DRG2: variants seen among roughly 807,000 people sequenced by gnomAD.
DRG2 encodes the protein developmentally-regulated GTP-binding protein 2.
A neutral mutation model predicts 53.4 loss-of-function variants in DRG2; 36 were observed. The ratio of observed to expected loss-of-function variants is 0.67; its 90% CI spans 0.52 to 0.89. The LOEUF (loss-of-function observed/expected upper bound fraction) is 0.89, where lower values mean the gene tolerates loss of function less well. DRG2 is among the 40% of genes least tolerant of loss of function. DRG2 has a pLI of 0.00. For synonymous variants in DRG2, 167 were observed against 192.1 expected (o/e 0.87, Z 1.08); for missense variants, 342 against 481.2 (o/e 0.71, Z 2.71).
rs752992394 is a variant in DRG2 at position 18,101,597 on chromosome 17, G to A, written c.729+7G>A. 17 of 1,613,256 alleles carry A rather than the reference G, an allele frequency of 1.1e-5. No individual in the cohort carries two copies. The highest frequency in any genetic ancestry group is 1.4e-5 in the Non-Finnish European group (16 of 1,179,394). ...GTACATGCCCTGCCTGTATGTAAGT[G>A]CAGGAGGGGAGCCCTGGCCTGGCCA... is the stretch of plus-strand genomic sequence containing the variant. On this transcript the variant is annotated splice_region_variant and intron_variant, in intron 8 of 12. Transcript: ENST00000225729.
chr17:18,088,236 C>G, intron 1 of DRG2, 149 bp downstream of exon 1: 2 of 977,998 alleles, frequency 2.0e-6, no homozygotes, highest in South Asian at 3.4e-5. Flanking sequence ...CCTGCGCGCC[C>G]AAGGCAGGGC....
At chr17:18,106,948 T>C (rs2045650315) in intron 12 of DRG2, among the ~76,000 whole-genome samples, 1 of 152,150 alleles carries the variant, frequency 6.6e-6, no homozygotes, top group Non-Finnish European at 1.5e-5. Context: ...CCAGAAGTGC[T>C]GGGATTACAG....
At position 18,104,480 on chromosome 17, in the gene DRG2, G is replaced by T. The variant is rs1183320688; in HGVS notation, c.896-143G>T. 3 of 1,480,254 alleles carry T rather than the reference G, an allele frequency of 2.0e-6. No individual in the cohort carries two copies. The South Asian group carries it at 4.0e-5, about 20-fold the overall frequency. The allele number at this position is 1,480,254 out of a possible 1,614,324, so 91.7% of individuals were successfully genotyped here. On this transcript the variant is annotated intron_variant, in intron 10 of 12. Transcript: ENST00000225729. ...GATGGTACAGGGATCTATGTGGAGG[G>T]TGTGCTGGATGTCAGGGGGAGGTTA...
rs371097365 is a variant in DRG2 at position 18,100,558 on chromosome 17, T to G, written c.541-11T>G. 3 of 1,614,054 alleles carry G rather than the reference T, an allele frequency of 1.9e-6. No individual in the cohort carries two copies. In the African/African-American group the frequency reaches 4.0e-5, roughly 22 times the overall value. On this transcript the variant is annotated splice_polypyrimidine_tract_variant and intron_variant, in intron 6 of 12. Coordinates refer to ENST00000225729, the MANE Select transcript of DRG2 (RefSeq NM_001388.5). This position sits in a 1 kb window ranked among gnomAD's most constrained non-coding sequence, Gnocchi z 4.1. ...GTCAGCAGTTCTCCCCATCCCTTTC[T>G]CCTCTTTCAGCCCAAGAAAGGTGGT... is the stretch of plus-strand genomic sequence containing the variant.
rs1184694031 is a variant in DRG2, at chr17:18,094,826, T to C, written c.225+853T>C. 4.0e-5 allele frequency among the ~76,000 whole-genome samples: 6 copies of C among 150,976 alleles called. No individual in the cohort carries two copies. In the South Asian group the frequency reaches 1.3e-3, roughly 32 times the overall value. On this transcript the variant is annotated intron_variant, in intron 2 of 12. Coordinates refer to ENST00000225729, the MANE Select transcript of DRG2 (RefSeq NM_001388.5). ...CCTGTCTCTACTAAAAATACAAAAT[T>C]AGCCAGGGGTGGTGGCGCATGCCTG...
At chr17:18,090,141 G>A (rs1237114500) in intron 1 of DRG2, among the ~76,000 whole-genome samples, 1 of 150,076 alleles carries the variant, frequency 6.7e-6, no homozygotes, top group East Asian at 2.0e-4. Context: ...AATTTTAGGA[G>A]CTGGGATGAC....
chr17:18,093,864 C>A lies in DRG2; in HGVS notation c.116C>A (p.Ala39Asp). The A allele has an allele frequency of 6.2e-7, 1 of 1,614,164 alleles. No individual in the cohort carries two copies. The highest frequency in any genetic ancestry group is 8.5e-7 in the Non-Finnish European group (1 of 1,180,038). ...LLKAKLAKYR[A>D]QLLEPSKSAS... ...AAAGCTAAGCTCGCCAAGTATCGGG[C>A]CCAGCTCCTGGAACCGTCCAAATCG... Residue 39 changes from alanine (A) to aspartate (D), a missense_variant, in exon 2 of 13, where the codon GCC (alanine) becomes GAC (aspartate). Coordinates refer to ENST00000225729, the MANE Select transcript of DRG2 (RefSeq NM_001388.5).
chr17:18,098,094 C>T lies in DRG2; in HGVS notation c.226-176C>T, dbSNP rs2045464148. ...CCTCTGGTGTCTGACCCATCCAGGA[C>T]AGGGCCAGAGGTGAGCCCTCTGGCT... On this transcript the variant is annotated intron_variant, in intron 2 of 12. Coordinates refer to ENST00000225729, the MANE Select transcript of DRG2 (RefSeq NM_001388.5). The surrounding 1 kb of genome is among the most constrained non-coding windows in gnomAD (Gnocchi z 4.1). 6.8e-6 allele frequency: 4 copies of T among 589,420 alleles called. No homozygotes were observed. The highest frequency in any genetic ancestry group is 1.2e-5 in the Non-Finnish European group (4 of 321,848). 36.5% of individuals were successfully genotyped at this position (589,420 alleles called of 1,614,324 possible).
chr17:18,094,056 G>C, intron 2 of DRG2, 83 bp downstream of exon 2: 1 of 1,531,488 alleles, frequency 6.5e-7, no homozygotes, highest in South Asian at 1.3e-5. Flanking sequence ...TCCCCTCGCT[G>C]CCTTTCTGCT....
At chr17:18,101,404 C>T in intron 7 of DRG2, 89 bp from the exon 8 acceptor site, 1 of 1,232,044 alleles carries the variant, frequency 8.1e-7, no homozygotes, top group Admixed American at 1.8e-5. Context: ...ACACGGCCAG[C>T]ATATTTCCTG....
At chr17:18,090,018 A>G (rs1433783086) in intron 1 of DRG2, among the ~76,000 whole-genome samples, 3 of 151,996 alleles carry the variant, frequency 2.0e-5, no homozygotes, top group African/African-American at 7.3e-5. Flanking sequence ...CATATTACCC[A>G]TAAGACCCAA....
rs995201939 is a variant in DRG2, at chr17:18,103,224, T to C, written c.807-577T>C. On this transcript the variant is annotated intron_variant, in intron 9 of 12. Coordinates refer to ENST00000225729, the MANE Select transcript of DRG2 (RefSeq NM_001388.5). The surrounding 1 kb of genome is among the most constrained non-coding windows in gnomAD (Gnocchi z 4.4). ...AGCTCTACAGAGGTCAGGACACAGC[T>C]CGGGGTCACGGCGCAAACCTTCAAG... Among the ~76,000 whole-genome samples, 1 of 152,108 alleles carries C rather than the reference T, an allele frequency of 6.6e-6. No individual in the cohort carries two copies. Among genetic ancestry groups the C allele is most frequent in the African/African-American group, 2.4e-5 (1 of 41,480 alleles).
rs760821269 is a variant in DRG2 at position 18,089,391 on chromosome 17, C to T, written c.64+1304C>T. ...CTGACCTCAGGTGATCCACCCGCCT[C>T]GGCCTCCCAAAGTGCTGGGATTACA... On this transcript the variant is annotated intron_variant, in intron 1 of 12. Coordinates refer to ENST00000225729, the MANE Select transcript of DRG2 (RefSeq NM_001388.5). 5.3e-5 allele frequency among the ~76,000 whole-genome samples: 8 copies of T among 152,108 alleles called. No homozygotes were observed. In the East Asian group the frequency reaches 5.8e-4, roughly 11 times the overall value.
intron 11 of DRG2, among the ~76,000 whole-genome samples, chr17:18,104,929 G>A (rs967428587): frequency 6.6e-6 from 1 of 152,214 alleles, no homozygotes; most frequent in Non-Finnish European, 1.5e-5. Flanking sequence ...AGGAGGACAC[G>A]TTGAATGAGG....
chr17:18,103,815 T>C lies in DRG2; in HGVS notation c.821T>C (p.Leu274Pro), dbSNP rs1176196745. 1 of 1,613,992 alleles carries C rather than the reference T, an allele frequency of 6.2e-7. No individual in the cohort carries two copies. The highest frequency in any genetic ancestry group is 1.3e-5 in the African/African-American group (1 of 74,930). ...NSVVISCGMK[L>P]NLDYLLEMLW... is the part of the protein sequence containing the mutation. ...CCTCTTTGCAGCTGCGGCATGAAGC[T>C]GAACCTGGACTATCTGCTGGAGATG... The change falls in exon 10 of 13, where the codon CTG (leucine) becomes CCG (proline). Residue 274 changes from leucine (L) to proline (P), a missense_variant. Transcript: ENST00000225729. The surrounding 1 kb of genome is among the most constrained non-coding windows in gnomAD (Gnocchi z 4.4).
At chr17:18,091,941 GACT>G (rs1333160560) in intron 1 of DRG2, 1 of 152,214 alleles carries the variant, frequency 6.6e-6, no homozygotes, top group Non-Finnish European at 1.5e-5. Context: ...TGCACAAGAA[GACT>G]AACTTTTCCA....
chr17:18,103,704 G>C lies in DRG2; in HGVS notation c.807-97G>C. On this transcript the variant is annotated intron_variant, in intron 9 of 12. Transcript: ENST00000225729. The surrounding 1 kb of genome is among the most constrained non-coding windows in gnomAD (Gnocchi z 4.4). Reference sequence around the variant, plus strand: ...CCTGTGGGTACCAGCGGGCCACCTGGCCAGTGGAGGTTATCCGCTCCAATA... The same window carrying C: ...CCTGTGGGTACCAGCGGGCCACCTGCCCAGTGGAGGTTATCCGCTCCAATA... 8.7e-7 allele frequency: 1 copy of C among 1,150,966 alleles called. No homozygotes were observed. The highest frequency in any genetic ancestry group is 1.3e-6 in the Non-Finnish European group (1 of 767,682). 71.3% of individuals were successfully genotyped at this position (1,150,966 alleles called of 1,614,324 possible). A position where few individuals can be genotyped will look rare whatever the true frequency, so the allele number is the denominator to read the frequency against.
intron 1 of DRG2, 100 bp from the exon 2 acceptor site, chr17:18,093,713 G>C (rs2045377534): frequency 7.1e-7 from 1 of 1,403,808 alleles, no homozygotes; most frequent in Admixed American, 2.3e-5. Flanking sequence ...CTTGACAGCA[G>C]TTGCTTCCCA....
In DRG2 at chr17:18,103,187, T is replaced by C. The variant is rs890587437; in HGVS notation, c.807-614T>C. Among the ~76,000 whole-genome samples, 1 of 152,160 alleles carries C rather than the reference T, an allele frequency of 6.6e-6. No individual in the cohort carries two copies. The highest frequency in any genetic ancestry group is 1.5e-5 in the Non-Finnish European group (1 of 68,016). On this transcript the variant is annotated intron_variant, in intron 9 of 12. Transcript: ENST00000225729. This position sits in a 1 kb window ranked among gnomAD's most constrained non-coding sequence, Gnocchi z 4.4. ...GAGAGCTTCTACACCTTTACCTGCT[T>C]GTGCTCAGAATAGCTCTACAGAGGT...
Sources: allele counts gnomAD v4.1 joint callset (sites outside exome capture counted in the v4.1 genomes callset), GRCh38; gene constraint gnomAD v4.1.1; non-coding constraint Gnocchi (gnomAD v3.1); transcripts MANE v1.5; gene names NCBI Gene and HGNC (gene_info 2026-07-23, HGNC 2026-07-21).